The following FST variants were observed in gnomAD, a reference collection of about 807,000 sequenced individuals.
FST encodes the protein activin-binding protein.
Under a neutral mutation model 38.4 loss-of-function variants are expected in FST, and 6 were observed. The observed-to-expected ratio is 0.16, with a 90% CI of 0.09 to 0.31. The LOEUF (loss-of-function observed/expected upper bound fraction) is 0.31, where lower values mean the gene tolerates loss of function less well. FST is among the 10% of genes least tolerant of loss of function. FST has a pLI of 1.00. For synonymous variants in FST, 157 were observed against 169.8 expected (o/e 0.92, Z 0.59); for missense variants, 301 against 432.3 (o/e 0.70, Z 2.69).
chr5:53,486,070 TGCAAAA>T lies in FST; in HGVS notation c.*38_*43del. ...GTGTTCAGTGTTGACATAGCCTTTG[TGCAAAA>T]AAAAAAAAAAAAAAAAAGAAAAAGA... On this transcript the variant is annotated 3_prime_UTR_variant, in exon 6 of 6. Coordinates refer to ENST00000256759, the MANE Select transcript of FST (RefSeq NM_013409.3). The T allele has an allele frequency of 1.7e-6, 1 of 581,864 alleles. No individual in the cohort carries two copies. The highest frequency in any genetic ancestry group is 4.4e-5 in the South Asian group (1 of 22,898). 36.0% of individuals were successfully genotyped at this position (581,864 alleles called of 1,614,324 possible). A position where few individuals can be genotyped will look rare whatever the true frequency, so the allele number is the denominator to read the frequency against.
rs532803575 is a variant in FST at position 53,481,517 on chromosome 5, A to C, written c.85+641A>C. ...ATTATTACCCCAAAGTGCTTTGAGC[A>C]CTTTACAGTTTTTTTCCCCTCTGCC... On this transcript the variant is annotated intron_variant, in intron 1 of 5. Coordinates refer to ENST00000256759, the MANE Select transcript of FST (RefSeq NM_013409.3). Among the ~76,000 whole-genome samples, 33 of 141,458 alleles carry C rather than the reference A, an allele frequency of 2.3e-4. No homozygotes were observed. The South Asian group carries it at 7.2e-3, about 31-fold the overall frequency. 92.8% of individuals were successfully genotyped at this position (141,458 alleles called of 152,430 possible).
intron 5 of FST, 37 bp downstream of exon 5, chr5:53,485,264 T>C (rs1272541363): frequency 8.9e-7 from 1 of 1,117,854 alleles, no homozygotes; most frequent in Admixed American, 1.7e-5. Flanking sequence ...CATTTAAGGC[T>C]TTCCCAGGCA....
In FST at chr5:53,487,093, A is replaced by G. The variant is rs1340932045; in HGVS notation, c.*1060A>G. ...TAAAAGTTATAATGTGTATTTGTAA[A>G]TAAATGATGAGTGAAAAAATAAAAA... On this transcript the variant is annotated 3_prime_UTR_variant, in exon 6 of 6. Transcript: ENST00000256759. The G allele has an allele frequency of 6.6e-6, 1 of 152,240 alleles. No homozygotes were observed. Among genetic ancestry groups the G allele is most frequent in the Non-Finnish European group, 1.5e-5 (1 of 68,044 alleles). The allele number at this position is 152,240 out of a possible 1,614,324, so 9.4% of individuals were successfully genotyped here. A position where few individuals can be genotyped will look rare whatever the true frequency, so the allele number is the denominator to read the frequency against.
chr5:53,485,394 T>A (rs1747487524), intron 5 of FST, among the ~76,000 whole-genome samples, 167 bp downstream of exon 5: 2 of 152,228 alleles, frequency 1.3e-5, no homozygotes, highest in Admixed American at 1.3e-4. Flanking sequence ...TTCTCTGCGA[T>A]GTTTCTTGGC....
At chr5:53,480,919 G>A (rs780045415) in intron 1 of FST, 43 bp downstream of exon 1, 3 of 1,147,862 alleles carry the variant, frequency 2.6e-6, no homozygotes, top group South Asian at 1.4e-5. Context: ...GCTGAGGACA[G>A]GGGGGTCGAC....
chr5:53,484,799 G>A (rs1429493249), intron 4 of FST, among the ~76,000 whole-genome samples, 198 bp from the exon 5 acceptor site: 1 of 152,172 alleles, frequency 6.6e-6, no homozygotes, highest in African/African-American at 2.4e-5. Context: ...GTGTGTATGT[G>A]TGTGTGCATT....
At chr5:53,484,752 C>T (rs1747444776) in intron 4 of FST, among the ~76,000 whole-genome samples, 1 of 152,098 alleles carries the variant, frequency 6.6e-6, no homozygotes, top group Non-Finnish European at 1.5e-5. Flanking sequence ...TTTTAATGCA[C>T]TAATGTAGTA....
rs1202067452 is a variant in FST, at chr5:53,480,774, C to G, written c.-18C>G. On this transcript the variant is annotated 5_prime_UTR_variant, in exon 1 of 6. Coordinates refer to ENST00000256759, the MANE Select transcript of FST (RefSeq NM_013409.3). ...CTCCCCGCGCCGCTGCGCTCCTCGCCCCGCGCCTGCCCCCAGGATGGTCCG... is the reference window on the plus strand; with the variant it reads ...CTCCCCGCGCCGCTGCGCTCCTCGCGCCGCGCCTGCCCCCAGGATGGTCCG... The G allele has an allele frequency of 4.7e-5, 64 of 1,360,396 alleles. No individual in the cohort carries two copies. Among genetic ancestry groups the G allele is most frequent in the African/African-American group, 6.1e-5 (4 of 65,910 alleles). The allele number at this position is 1,360,396 out of a possible 1,614,324, so 84.3% of individuals were successfully genotyped here. A position where few individuals can be genotyped will look rare whatever the true frequency, so the allele number is the denominator to read the frequency against.
rs1747403527 is a variant in FST, at chr5:53,484,100, C to T, written c.528C>T (p.Ser176=). Residue 176 remains serine (S), a synonymous_variant, in exon 4 of 6, where the codon AGC becomes AGT. Coordinates refer to ENST00000256759, the MANE Select transcript of FST (RefSeq NM_013409.3). Reference sequence around the variant, plus strand: ...GTCGGGATGTTTTCTGTCCAGGCAGCTCCACATGTGTGGTGGACCAGACCA... The same window carrying T: ...GTCGGGATGTTTTCTGTCCAGGCAGTTCCACATGTGTGGTGGACCAGACCA... ...KTCRDVFCPG[S]STCVVDQTNN... is the part of the protein sequence containing the mutation. The T allele has an allele frequency of 6.2e-7, 1 of 1,611,914 alleles. No homozygotes were observed. The highest frequency in any genetic ancestry group is 1.7e-5 in the Admixed American group (1 of 60,002).
intron 3 of FST, 28 bp from the exon 4 acceptor site, chr5:53,484,041 T>G (rs769721015): frequency 4.4e-6 from 7 of 1,597,748 alleles, no homozygotes; most frequent in Non-Finnish European, 5.1e-6. Flanking sequence ...AAGGTACCTA[T>G]TCATGTGTGT....
At chr5:53,482,796 C>G (rs1579763307) in intron 1 of FST, 84 bp from the exon 2 acceptor site, 3 of 745,402 alleles carry the variant, frequency 4.0e-6, no homozygotes, top group Admixed American at 2.6e-5. Flanking sequence ...CCCGCCGGGT[C>G]TCCTTCGCTA....
chr5:53,486,032 A>T lies in FST; in HGVS notation c.1034A>T (p.Ter345LeuextTer10). Residue 345 changes from the stop codon to leucine (L), a stop_lost, in exon 6 of 6, where the codon TAA becomes TTA. Coordinates refer to ENST00000256759, the MANE Select transcript of FST (RefSeq NM_013409.3). ...SFPISSILEW[*>L] is the part of the protein sequence containing the mutation. ...CCTATATCTTCTATTCTAGAGTGGT[A>T]AACTCTCTATAAGTGTTCAGTGTTG... 7 of 1,385,806 alleles carry T rather than the reference A, an allele frequency of 5.1e-6. No individual in the cohort carries two copies. Among genetic ancestry groups the T allele is most frequent in the African/African-American group, 1.5e-5 (1 of 68,844 alleles). 85.8% of individuals were successfully genotyped at this position (1,385,806 alleles called of 1,614,324 possible). A position where few individuals can be genotyped will look rare whatever the true frequency, so the allele number is the denominator to read the frequency against.
rs1747306838 is a variant in FST, at chr5:53,482,648, C to T, written c.86-232C>T. On this transcript the variant is annotated intron_variant, in intron 1 of 5. Transcript: ENST00000256759. The stretch of plus-strand genomic sequence containing the variant: ...TCCCTCTCTCCCTCCCTCCCTCTCG[C>T]CCACCTCCCATCTCTGTGATCAGGG... 3 of 485,312 alleles carry T rather than the reference C, an allele frequency of 6.2e-6. No individual in the cohort carries two copies. In the South Asian group the frequency reaches 1.2e-4, roughly 20 times the overall value. The allele number at this position is 485,312 out of a possible 1,614,324, so 30.1% of individuals were successfully genotyped here. A position where few individuals can be genotyped will look rare whatever the true frequency, so the allele number is the denominator to read the frequency against.
At chr5:53,485,275 A>T in intron 5 of FST, 48 bp downstream of exon 5, 2 of 993,784 alleles carry the variant, frequency 2.0e-6, no homozygotes, top group South Asian at 1.3e-5. Context: ...TTCCCAGGCA[A>T]TCCCTAGGGA....
chr5:53,486,027 G>C lies in FST; in HGVS notation c.1029G>C (p.Glu343Asp). 7.4e-7 allele frequency: 1 copy of C among 1,346,276 alleles called. No homozygotes were observed. Among genetic ancestry groups the C allele is most frequent in the Non-Finnish European group, 1.0e-6 (1 of 973,744 alleles). The allele number at this position is 1,346,276 out of a possible 1,614,324, so 83.4% of individuals were successfully genotyped here. A position where few individuals can be genotyped will look rare whatever the true frequency, so the allele number is the denominator to read the frequency against. Residue 343 changes from glutamate (E) to aspartate (D), a missense_variant, in exon 6 of 6, where the codon GAG (glutamate) becomes GAC (aspartate). Physicochemically the swap from Glu to Asp is conservative, Grantham distance 45. Transcript: ENST00000256759. ...GCTTTCCTATATCTTCTATTCTAGA[G>C]TGGTAAACTCTCTATAAGTGTTCAG... ...DYSFPISSILEW is the reference protein window; with the variant it reads ...DYSFPISSILDW
chr5:53,485,592 G>A (rs1444947529), intron 5 of FST: 1 of 800,850 alleles, frequency 1.2e-6, no homozygotes, highest in African/African-American at 1.7e-5. Flanking sequence ...ATCACACATG[G>A]GCTGCTGCTT....
Position 53,486,854 on chromosome 5 carries a change from C to G in FST, c.*821C>G, listed in dbSNP as rs1465426241. The G allele has an allele frequency of 6.6e-6, 1 of 152,168 alleles. No individual in the cohort carries two copies. The highest frequency in any genetic ancestry group is 1.9e-4 in the East Asian group (1 of 5,198). The allele number at this position is 152,168 out of a possible 1,614,324, so 9.4% of individuals were successfully genotyped here. On this transcript the variant is annotated 3_prime_UTR_variant, in exon 6 of 6. Coordinates refer to ENST00000256759, the MANE Select transcript of FST (RefSeq NM_013409.3). ...ACATTCAACCTTTTGTTAGGTGTTT[C>G]CTTTAAGCTACTCAGCTGTACCTTT...
rs759923783 is a variant in FST at position 53,482,904 on chromosome 5, C to T, written c.110C>T (p.Ala37Val). The change falls in exon 2 of 6, where the codon GCG (alanine) becomes GTG (valine). Residue 37 changes from alanine (A) to valine (V), a missense_variant. By Grantham distance (64) the Ala-to-Val change is moderately conservative. Transcript: ENST00000256759. ...AQAGNCWLRQ[A>V]KNGRCQVLYK... is the part of the protein sequence containing the mutation. ...GCTGGGAACTGCTGGCTCCGTCAAG[C>T]GAAGAACGGCCGCTGCCAGGTCCTG... 1.2e-6 allele frequency: 2 copies of T among 1,609,258 alleles called. No individual in the cohort carries two copies. The highest frequency in any genetic ancestry group is 1.7e-6 in the Non-Finnish European group (2 of 1,176,998).
intron 1 of FST, 148 bp downstream of exon 1, chr5:53,481,024 A>G: frequency 2.6e-6 from 1 of 379,422 alleles, no homozygotes; most frequent in Non-Finnish European, 4.9e-6. Context: ...GGAGTGGGAA[A>G]ATTGTAGGCA....
Sources: allele counts gnomAD v4.1 joint callset (sites outside exome capture counted in the v4.1 genomes callset), GRCh38; gene constraint gnomAD v4.1.1; transcripts MANE v1.5; gene names NCBI Gene and HGNC (gene_info 2026-07-23, HGNC 2026-07-21).